FOS: variants seen among roughly 807,000 people sequenced by gnomAD.
FOS encodes the protein Fos proto-oncogene, AP-1 transcription factor subunit.
A neutral mutation model predicts 27.2 loss-of-function variants in FOS; 9 were observed. That is an observed-to-expected ratio of 0.33 (90% CI 0.20 to 0.58). FOS has a LOEUF of 0.58. FOS is among the 20% of genes least tolerant of loss of function. The pLI is 0.87. For missense variants in FOS, 405 were observed against 483.5 expected (o/e 0.84, Z 1.52); for synonymous variants, 213 against 205.1 (o/e 1.04, Z -0.33).
Position 75,280,673 on chromosome 14 carries a change from T to C in FOS, c.501+6T>C, listed in dbSNP as rs755288920. 5.0e-6 allele frequency: 8 copies of C among 1,609,660 alleles called. No homozygotes were observed. The East Asian group carries it at 6.7e-5, about 13-fold the overall frequency. On this transcript the variant is annotated splice_donor_region_variant and intron_variant, in intron 3 of 3. Coordinates refer to ENST00000303562, the MANE Select transcript of FOS (RefSeq NM_005252.4). Reference sequence around the variant, plus strand: ...TGACTGATACACTCCAAGCGGTAGGTACTCTGTGGGTTGCTCCTTTTTAAA... The same window carrying C: ...TGACTGATACACTCCAAGCGGTAGGCACTCTGTGGGTTGCTCCTTTTTAAA...
In FOS at chr14:75,279,476, C is replaced by G. The variant is rs920957357; in HGVS notation, c.141+353C>G. Reference sequence around the variant, plus strand: ...GGCAGAAAGCGGCAATCCCCCCTCCCCCGGCAGCCTGGAGCACGGAGGAGG... The same window carrying G: ...GGCAGAAAGCGGCAATCCCCCCTCCGCCGGCAGCCTGGAGCACGGAGGAGG... On this transcript the variant is annotated intron_variant, in intron 1 of 3. Transcript: ENST00000303562. This position sits in a 1 kb window ranked among gnomAD's most constrained non-coding sequence, Gnocchi z 5.4. 2 of 444,632 alleles carry G rather than the reference C, an allele frequency of 4.5e-6. No homozygotes were observed. Among genetic ancestry groups the G allele is most frequent in the Admixed American group, 4.2e-5 (1 of 23,774 alleles). 27.5% of individuals were successfully genotyped at this position (444,632 alleles called of 1,614,324 possible). A position where few individuals can be genotyped will look rare whatever the true frequency, so the allele number is the denominator to read the frequency against.
At position 75,278,971 on chromosome 14, in the gene FOS, C is replaced by T. The variant is rs1897194129; in HGVS notation, c.-12C>T. ...CCCTCGGCCCCTCGCCCGGCTTTGC[C>T]TAACCGCCACGATGATGTTCTCGGG... On this transcript the variant is annotated 5_prime_UTR_variant, in exon 1 of 4. Coordinates refer to ENST00000303562, the MANE Select transcript of FOS (RefSeq NM_005252.4). This position sits in a 1 kb window ranked among gnomAD's most constrained non-coding sequence, Gnocchi z 4.1. The T allele has an allele frequency of 1.2e-6, 2 of 1,613,354 alleles. No individual in the cohort carries two copies. The highest frequency in any genetic ancestry group is 1.7e-6 in the Non-Finnish European group (2 of 1,179,852).
rs911714776 is a variant in FOS at position 75,280,464 on chromosome 14, A to T, written c.394-96A>T. ...GTTTCACAGTGGGGTGCCAGGAAGC[A>T]GGGAAGCTGCAGGAGCCAGTTCTAC... On this transcript the variant is annotated intron_variant, in intron 2 of 3. Transcript: ENST00000303562. 4 of 952,660 alleles carry T rather than the reference A, an allele frequency of 4.2e-6. No homozygotes were observed. The Admixed American group carries it at 7.3e-5, about 17-fold the overall frequency. 59.0% of individuals were successfully genotyped at this position (952,660 alleles called of 1,614,324 possible).
chr14:75,281,292 C>G lies in FOS; in HGVS notation c.1011C>G (p.Tyr337Ter), dbSNP rs770723606. Residue 337 changes from tyrosine to a stop codon, truncating the protein, a stop_gained, in exon 4 of 4, where the codon TAC (tyrosine) becomes TAG (stop). Transcript: ENST00000303562. LOFTEE classifies it high-confidence loss of function. The surrounding 1 kb of genome is among the most constrained non-coding windows in gnomAD (Gnocchi z 4.7). ...VVTCTPSCTA[Y>*]TSSFVFTYPE... ...CCTGTACTCCCAGCTGCACTGCTTA[C>G]ACGTCTTCCTTCGTCTTCACCTACC... 2 of 1,610,692 alleles carry G rather than the reference C, an allele frequency of 1.2e-6. No homozygotes were observed. The highest frequency in any genetic ancestry group is 1.7e-6 in the Non-Finnish European group (2 of 1,180,002).
chr14:75,280,837 C>T lies in FOS; in HGVS notation c.556C>T (p.Leu186=), dbSNP rs1336677920. 1.2e-6 allele frequency: 2 copies of T among 1,614,116 alleles called. No individual in the cohort carries two copies. Among genetic ancestry groups the T allele is most frequent in the South Asian group, 1.1e-5 (1 of 91,082 alleles). Residue 186 remains leucine, a synonymous_variant, in exon 4 of 4, where the codon CTG becomes TTG. Coordinates refer to ENST00000303562, the MANE Select transcript of FOS (RefSeq NM_005252.4). ...TGCTTTGCAGACCGAGATTGCCAAC[C>T]TGCTGAAGGAGAAGGAAAAACTAGA... ...KSALQTEIAN[L]LKEKEKLEFI...
chr14:75,278,972 T>C lies in FOS; in HGVS notation c.-11T>C. 6.2e-7 allele frequency: 1 copy of C among 1,613,314 alleles called. No homozygotes were observed. The highest frequency in any genetic ancestry group is 1.3e-5 in the African/African-American group (1 of 75,006). On this transcript the variant is annotated 5_prime_UTR_variant, in exon 1 of 4. Transcript: ENST00000303562. The surrounding 1 kb of genome is among the most constrained non-coding windows in gnomAD (Gnocchi z 4.1). ...CCTCGGCCCCTCGCCCGGCTTTGCC[T>C]AACCGCCACGATGATGTTCTCGGGC... is the stretch of plus-strand genomic sequence containing the variant.
Position 75,281,931 on chromosome 14 carries a change from T to TA in FOS, c.*510dup, listed in dbSNP as rs1381411155. 6.2e-6 allele frequency: 1 copy of TA among 161,878 alleles called. No individual in the cohort carries two copies. The highest frequency in any genetic ancestry group is 1.4e-5 in the Non-Finnish European group (1 of 72,266). The allele number at this position is 161,878 out of a possible 1,614,324, so 10.0% of individuals were successfully genotyped here. On this transcript the variant is annotated 3_prime_UTR_variant, in exon 4 of 4. Coordinates refer to ENST00000303562, the MANE Select transcript of FOS (RefSeq NM_005252.4). This position sits in a 1 kb window ranked among gnomAD's most constrained non-coding sequence, Gnocchi z 4.7. ...GACTTTATTTTCTGGTAGATAGAAA[T>TA]AAATAGCTATATCCATGTACTGTAG...
chr14:75,280,153 C>T, intron 2 of FOS, 25 bp downstream of exon 2: 1 of 1,613,322 alleles, frequency 6.2e-7, no homozygotes, highest in Non-Finnish European at 8.5e-7. Context: ...CGTACTCTTC[C>T]TGGGAATGTG....
chr14:75,278,865 G>A lies in FOS; in HGVS notation c.-118G>A, dbSNP rs1226069677. 2.4e-6 allele frequency: 3 copies of A among 1,261,152 alleles called. No homozygotes were observed. The highest frequency in any genetic ancestry group is 1.3e-5 in the South Asian group (1 of 74,416). The allele number at this position is 1,261,152 out of a possible 1,614,324, so 78.1% of individuals were successfully genotyped here. ...AGCGAGCATCTGAGAAGCCAAGACT[G>A]AGCCGGCGGCCGCGGCGCAGCGAAC... On this transcript the variant is annotated 5_prime_UTR_variant, in exon 1 of 4. Coordinates refer to ENST00000303562, the MANE Select transcript of FOS (RefSeq NM_005252.4). The surrounding 1 kb of genome is among the most constrained non-coding windows in gnomAD (Gnocchi z 4.1).
rs1187522995 is a variant in FOS at position 75,279,039 on chromosome 14, C to T, written c.57C>T (p.Ser19=). The part of the protein sequence containing the change: ...DYEASSSRCS[S]ASPAGDSLSY... ...AGGCGTCATCCTCCCGCTGCAGCAGCGCGTCCCCGGCCGGGGATAGCCTCT... is the reference window on the plus strand; with the variant it reads ...AGGCGTCATCCTCCCGCTGCAGCAGTGCGTCCCCGGCCGGGGATAGCCTCT... Residue 19 remains serine (S), a synonymous_variant, in exon 1 of 4, where the codon AGC becomes AGT. Transcript: ENST00000303562. This position sits in a 1 kb window ranked among gnomAD's most constrained non-coding sequence, Gnocchi z 5.4. 1.9e-6 allele frequency: 3 copies of T among 1,613,612 alleles called. No individual in the cohort carries two copies. In the East Asian group the frequency reaches 6.7e-5, roughly 36 times the overall value.
chr14:75,280,032 C>T lies in FOS; in HGVS notation c.297C>T (p.Pro99=). ...GAGCCCCTCACCCTTTCGGAGTCCC[C>T]GCCCCCTCCGCTGGGGCTTACTCCA... ...QTRAPHPFGV[P]APSAGAYSRA... The change falls in exon 2 of 4, where the codon CCC becomes CCT. Residue 99 remains proline (P), a synonymous_variant. Transcript: ENST00000303562. 3.7e-6 allele frequency: 6 copies of T among 1,614,154 alleles called. No individual in the cohort carries two copies. Among genetic ancestry groups the T allele is most frequent in the South Asian group, 1.1e-5 (1 of 91,078 alleles).
Position 75,281,122 on chromosome 14 carries a change from A to G in FOS, c.841A>G (p.Ser281Gly), listed in dbSNP as rs1176954567. ...DFLFPASSRP[S>G]GSETARSVPD... ...CCTGTTCCCAGCATCATCCAGGCCC[A>G]GTGGCTCTGAGACAGCCCGCTCCGT... The change falls in exon 4 of 4, where the codon AGT becomes GGT. Residue 281 changes from serine to glycine, a missense_variant. By Grantham distance (56) the Ser-to-Gly change is moderately conservative (BLOSUM62 0). Coordinates refer to ENST00000303562, the MANE Select transcript of FOS (RefSeq NM_005252.4). The surrounding 1 kb of genome is among the most constrained non-coding windows in gnomAD (Gnocchi z 4.7). The G allele has an allele frequency of 1.2e-6, 2 of 1,609,550 alleles. No homozygotes were observed. The highest frequency in any genetic ancestry group is 2.2e-5 in the South Asian group (2 of 91,088).
In FOS at chr14:75,279,730, C is replaced by T; in HGVS notation, c.142-147C>T. On this transcript the variant is annotated intron_variant, in intron 1 of 3. Coordinates refer to ENST00000303562, the MANE Select transcript of FOS (RefSeq NM_005252.4). This position sits in a 1 kb window ranked among gnomAD's most constrained non-coding sequence, Gnocchi z 5.4. ...ATGCCTGGGAGGAAAAGGGGGAGAC[C>T]TTTCATCCAGGATGAGGGACATTTA... 1 of 960,262 alleles carries T rather than the reference C, an allele frequency of 1.0e-6. No homozygotes were observed. The allele number at this position is 960,262 out of a possible 1,614,324, so 59.5% of individuals were successfully genotyped here.
At position 75,278,963 on chromosome 14, in the gene FOS, G is replaced by A; in HGVS notation, c.-20G>A. On this transcript the variant is annotated 5_prime_UTR_variant, in exon 1 of 4. Coordinates refer to ENST00000303562, the MANE Select transcript of FOS (RefSeq NM_005252.4). The surrounding 1 kb of genome is among the most constrained non-coding windows in gnomAD (Gnocchi z 4.1). ...GTCTCCGCCCCTCGGCCCCTCGCCC[G>A]GCTTTGCCTAACCGCCACGATGATG... 1 of 1,613,126 alleles carries A rather than the reference G, an allele frequency of 6.2e-7. No homozygotes were observed. The highest frequency in any genetic ancestry group is 8.5e-7 in the Non-Finnish European group (1 of 1,179,806).
Position 75,281,087 on chromosome 14 carries a change from TTGA to T in FOS, c.810_812del (p.Asp271del). 1.2e-6 allele frequency: 2 copies of T among 1,610,594 alleles called. No homozygotes were observed. The highest frequency in any genetic ancestry group is 1.7e-6 in the Non-Finnish European group (2 of 1,179,996). ...AGCATGGAGCTGAAGACCGAGCCCT[TTGA>T]TGACTTCCTGTTCCCAGCATCATCC... On this transcript the variant is annotated inframe_deletion, in exon 4 of 4. Transcript: ENST00000303562. This position sits in a 1 kb window ranked among gnomAD's most constrained non-coding sequence, Gnocchi z 4.7.
intron 2 of FOS, 192 bp downstream of exon 2, chr14:75,280,320 T>C (rs927535848): frequency 9.3e-6 from 7 of 753,506 alleles, no homozygotes; most frequent in African/African-American, 5.3e-5. Flanking sequence ...AGTACTCTCA[T>C]AGTTTCTTCC....
In FOS at chr14:75,279,279, T is replaced by TG; in HGVS notation, c.141+157dup. On this transcript the variant is annotated intron_variant, in intron 1 of 3. Transcript: ENST00000303562. The surrounding 1 kb of genome is among the most constrained non-coding windows in gnomAD (Gnocchi z 5.4). ...GGTGCCGGCTCGGGGGCTCGGGACT[T>TG]GCTCTGAGCGCACGCACGCTTGCCA... The TG allele has an allele frequency of 1.1e-6, 1 of 951,770 alleles. No individual in the cohort carries two copies. The highest frequency in any genetic ancestry group is 1.5e-5 in the South Asian group (1 of 67,878). The allele number at this position is 951,770 out of a possible 1,614,324, so 59.0% of individuals were successfully genotyped here. A position where few individuals can be genotyped will look rare whatever the true frequency, so the allele number is the denominator to read the frequency against.
chr14:75,280,277 A>G, intron 2 of FOS, 149 bp downstream of exon 2: 1 of 1,041,592 alleles, frequency 9.6e-7, no homozygotes, highest in Admixed American at 2.0e-5. Context: ...AGCCCATTCC[A>G]TCCCAACTCA....
chr14:75,278,969 G>A lies in FOS; in HGVS notation c.-14G>A, dbSNP rs997415225. 2.5e-6 allele frequency: 4 copies of A among 1,613,024 alleles called. No homozygotes were observed. The highest frequency in any genetic ancestry group is 3.4e-6 in the Non-Finnish European group (4 of 1,179,828). The stretch of plus-strand genomic sequence containing the variant: ...GCCCCTCGGCCCCTCGCCCGGCTTT[G>A]CCTAACCGCCACGATGATGTTCTCG... On this transcript the variant is annotated 5_prime_UTR_variant, in exon 1 of 4. Coordinates refer to ENST00000303562, the MANE Select transcript of FOS (RefSeq NM_005252.4). This position sits in a 1 kb window ranked among gnomAD's most constrained non-coding sequence, Gnocchi z 4.1.
Sources: gnomAD v4.1 joint callset for allele counts on GRCh38, gnomAD v4.1.1 for gene constraint, Gnocchi (gnomAD v3.1) non-coding constraint, MANE v1.5 for transcripts, NCBI Gene and HGNC (gene_info 2026-07-23, HGNC 2026-07-21) for gene names.